AHNAK: variants seen among roughly 807,000 people sequenced by gnomAD.
AHNAK encodes the protein neuroblast differentiation-associated protein AHNAK.
In AHNAK, 23 loss-of-function variants were observed where a neutral mutation model predicts 37.8. The ratio of observed to expected loss-of-function variants is 0.61; its 90% confidence interval spans 0.44 to 0.86. The LOEUF is 0.86. AHNAK is among the 40% of genes least tolerant of loss of function. The pLI is 0.00. For synonymous variants in AHNAK, 2,481 were observed against 2,636.3 expected (o/e 0.94, Z 1.80); for missense variants, 7,411 against 7,319.4 (o/e 1.01, Z -0.46).
chr11:62,480,633 C>T (rs1353497680), intron 5 of AHNAK, among the ~76,000 whole-genome samples: 4 of 150,846 alleles, frequency 2.7e-5, no homozygotes, highest in African/African-American at 9.8e-5. Flanking sequence ...TGCACTCCAG[C>T]CTGGGTGACA....
At chr11:62,439,575 C>A (rs531499281) in intron 5 of AHNAK, among the ~76,000 whole-genome samples, 1 of 151,972 alleles carries the variant, frequency 6.6e-6, no homozygotes, top group African/African-American at 2.4e-5. Context: ...CCTAAATGTT[C>A]CTTTTCATTA....
intron 5 of AHNAK, among the ~76,000 whole-genome samples, chr11:62,459,089 C>T (rs534058339): frequency 2.0e-5 from 3 of 152,230 alleles, no homozygotes; most frequent in African/African-American, 7.2e-5. Flanking sequence ...CACCCCAGCA[C>T]CTCTCCAAAC....
intron 5 of AHNAK, among the ~76,000 whole-genome samples, chr11:62,459,850 C>T (rs1035271515): frequency 6.6e-6 from 1 of 152,118 alleles, no homozygotes; most frequent in African/African-American, 2.4e-5. Flanking sequence ...GTACCACCAA[C>T]AACTCTTGGC....
rs1016562027 is a variant in AHNAK, at chr11:62,518,605, A to G, written c.15812T>C (p.Val5271Ala). The G allele has an allele frequency of 6.2e-7, 1 of 1,614,076 alleles. No individual in the cohort carries two copies. Among genetic ancestry groups the G allele is most frequent in the Non-Finnish European group, 8.5e-7 (1 of 1,180,044 alleles). Residue 5271 changes from valine to alanine, a missense_variant, in exon 5 of 5, where the codon GTT becomes GCT. Transcript: ENST00000378024. The part of the protein sequence containing the change: ...SLEGDLRGPD[V>A]KLEGPDVSLK... Reference sequence around the variant, plus strand: ...AGAAACATCGGGCCCTTCGAGCTTAACATCTGGTCCTCTCAAGTCTCCTTC... The same window carrying G: ...AGAAACATCGGGCCCTTCGAGCTTAGCATCTGGTCCTCTCAAGTCTCCTTC...
Position 62,516,316 on chromosome 11 carries a change from C to G in AHNAK, c.*428G>C. 1 of 1,289,548 alleles carries G rather than the reference C, an allele frequency of 7.8e-7. No individual in the cohort carries two copies. The highest frequency in any genetic ancestry group is 1.0e-6 in the Non-Finnish European group (1 of 988,960). The allele number at this position is 1,289,548 out of a possible 1,614,324, so 79.9% of individuals were successfully genotyped here. A position where few individuals can be genotyped will look rare whatever the true frequency, so the allele number is the denominator to read the frequency against. Reference sequence around the variant, plus strand: ...GGAAAGAGGAAGACCTGACCTCCGTCTGCAACCCATCACCCCACCCACCCT... The same window carrying G: ...GGAAAGAGGAAGACCTGACCTCCGTGTGCAACCCATCACCCCACCCACCCT... On this transcript the variant is annotated 3_prime_UTR_variant, in exon 5 of 5. Transcript: ENST00000378024.
intron 1 of AHNAK, among the ~76,000 whole-genome samples, chr11:62,541,729 C>T (rs1169776215): frequency 6.6e-6 from 1 of 152,184 alleles, no homozygotes; most frequent in Non-Finnish European, 1.5e-5. Flanking sequence ...GAATTAATAT[C>T]CTTATTTCAG....
In AHNAK at chr11:62,488,071, C is replaced by G. The variant is rs138414605; in HGVS notation, c.442+3661G>C. On this transcript the variant is annotated intron_variant, in intron 5 of 5. Transcript: ENST00000257247. ...AAGCCACGGAAGTTCCTCTAAGCTC[C>G]ACAGACTTTCTCTGAATCCCTGTGA... Among the ~76,000 whole-genome samples the G allele has an allele frequency of 3.5e-3, 527 of 152,318 alleles. 1 individual carries two copies. The highest frequency in any genetic ancestry group is 0.012 in the African/African-American group (483 of 41,562).
chr11:62,522,208 A>G lies in AHNAK; in HGVS notation c.12209T>C (p.Met4070Thr), dbSNP rs1940276962. 2.5e-6 allele frequency: 4 copies of G among 1,612,996 alleles called. No individual in the cohort carries two copies. The African/African-American group carries it at 4.0e-5, about 16-fold the overall frequency. ...TGGGCCCTCTCCTTTAAATCCTGGC[A>G]TGCTGAATTTGGGCATTTTCACCTT... ...MPKVKMPKFS[M>T]PGFKGEGPEV... Residue 4070 changes from methionine (M) to threonine (T), a missense_variant, in exon 5 of 5, where the codon ATG becomes ACG. Transcript: ENST00000378024.
In AHNAK at chr11:62,527,138, T is replaced by C. The variant is rs759639712; in HGVS notation, c.7279A>G (p.Ile2427Val). Residue 2427 changes from isoleucine (I) to valine (V), a missense_variant, in exon 5 of 5, where the codon ATT becomes GTT. By Grantham distance (29) the Ile-to-Val change is conservative. Coordinates refer to ENST00000378024, the MANE Select transcript of AHNAK (RefSeq NM_001620.3). Reference protein sequence around the residue: ...GPHVDVSGPDIDIEGPEGKLK... With the variant: ...GPHVDVSGPDVDIEGPEGKLK... ...TTGCCCTCTGGTCCCTCAATGTCAA[T>C]GTCTGGCCCACTGACATCCACATGT... 3.1e-6 allele frequency: 5 copies of C among 1,613,664 alleles called. No homozygotes were observed. The East Asian group carries it at 1.1e-4, about 36-fold the overall frequency.
In AHNAK at chr11:62,529,129, T is replaced by C. The variant is rs74853209; in HGVS notation, c.5288A>G (p.Lys1763Arg). The C allele has an allele frequency of 0.031, 49,981 of 1,614,104 alleles. 1,081 individuals are homozygous for C. The highest frequency in any genetic ancestry group is 0.1 in the African/African-American group (7,845 of 74,996). Reference protein sequence around the residue: ...PDLDIEGPEGKLKGSKFKMPK... With the variant: ...PDLDIEGPEGRLKGSKFKMPK... ...CATCTTAAATTTGGAGCCTTTCAAC[T>C]TTCCTTCTGGTCCCTCAATATCCAA... The change falls in exon 5 of 5, where the codon AAG (lysine) becomes AGG (arginine). Residue 1763 changes from lysine (K) to arginine (R), a missense_variant. By Grantham distance (26) the Lys-to-Arg change is conservative. Coordinates refer to ENST00000378024, the MANE Select transcript of AHNAK (RefSeq NM_001620.3).
Position 62,527,370 on chromosome 11 carries a change from T to C in AHNAK, c.7047A>G (p.Lys2349=). The part of the protein sequence containing the change: ...GELKGPELDV[K]GPKLDADMPE... ...GCATGTCAGCATCTAATTTGGGACC[T>C]TTGACATCCAATTCTGGACCTTTTA... Residue 2349 remains lysine (K), a synonymous_variant, in exon 5 of 5, where the codon AAA becomes AAG. Transcript: ENST00000378024. The C allele has an allele frequency of 6.2e-7, 1 of 1,614,166 alleles. No homozygotes were observed. The highest frequency in any genetic ancestry group is 8.5e-7 in the Non-Finnish European group (1 of 1,180,012).
chr11:62,476,572 T>C (rs550801051), intron 5 of AHNAK, among the ~76,000 whole-genome samples: 43 of 152,124 alleles, frequency 2.8e-4, no homozygotes, highest in African/African-American at 9.6e-4. Context: ...TTGAAGCAAA[T>C]TGGAAAGGTG....
Position 62,528,048 on chromosome 11 carries a change from G to A in AHNAK, c.6369C>T (p.Asp2123=). 6.2e-7 allele frequency: 1 copy of A among 1,613,610 alleles called. No individual in the cohort carries two copies. ...KAPKISMPDV[D]LHLKGPKVKG... is the part of the protein sequence containing the mutation. Reference sequence around the variant, plus strand: ...TGACTTTGGGGCCTTTCAAGTGTAAGTCCACATCAGGCATGGAGATCTTGG... The same window carrying A: ...TGACTTTGGGGCCTTTCAAGTGTAAATCCACATCAGGCATGGAGATCTTGG... The change falls in exon 5 of 5, where the codon GAC becomes GAT. Residue 2123 remains aspartate (D), a synonymous_variant. Transcript: ENST00000378024.
chr11:62,522,547 G>C lies in AHNAK; in HGVS notation c.11870C>G (p.Pro3957Arg), dbSNP rs1489928692. The C allele has an allele frequency of 6.2e-7, 1 of 1,613,216 alleles. No homozygotes were observed. Among genetic ancestry groups the C allele is most frequent in the Admixed American group, 1.7e-5 (1 of 59,848 alleles). Residue 3957 changes from proline to arginine, a missense_variant, in exon 5 of 5, where the codon CCC (proline) becomes CGC (arginine). Pro to Arg is a moderately radical substitution (Grantham distance 103, BLOSUM62 -2). Transcript: ENST00000378024. ...GEGPEVDVNL[P>R]KADLDVSGPK... ...TCCTGAGACGTCAAGGTCAGCCTTG[G>C]GCAGGTTCACATCCACTTCTGGACC...
At chr11:62,537,899 G>A (rs1156651681) in intron 1 of AHNAK, among the ~76,000 whole-genome samples, 1 of 151,990 alleles carries the variant, frequency 6.6e-6, no homozygotes, top group African/African-American at 2.4e-5. Context: ...AGCCAGGCTT[G>A]TCTTGAACTC....
chr11:62,528,713 C>A lies in AHNAK; in HGVS notation c.5704G>T (p.Asp1902Tyr), dbSNP rs772254421. 6.2e-7 allele frequency: 1 copy of A among 1,611,842 alleles called. No homozygotes were observed. The highest frequency in any genetic ancestry group is 1.1e-5 in the South Asian group (1 of 90,972). Residue 1902 changes from aspartate to tyrosine, a missense_variant, in exon 5 of 5, where the codon GAT (aspartate) becomes TAT (tyrosine). Asp to Tyr is a radical substitution (Grantham distance 160). Transcript: ENST00000378024. ...EVPDVELECP[D>Y]AKLKGPKFKM... The stretch of plus-strand genomic sequence containing the variant: ...AATTTAGGGCCTTTCAACTTTGCAT[C>A]AGGACACTCCAGCTCAACATCAGGC...
intron 5 of AHNAK, among the ~76,000 whole-genome samples, chr11:62,478,464 G>A (rs1939194538): frequency 6.6e-6 from 1 of 151,934 alleles, no homozygotes; most frequent in African/African-American, 2.4e-5. Flanking sequence ...GGGTGCCGGT[G>A]GCTCACTCCT....
rs576317711 is a variant in AHNAK, at chr11:62,528,282, G to T, written c.6135C>A (p.His2045Gln). Residue 2045 changes from histidine to glutamine, a missense_variant, in exon 5 of 5, where the codon CAC (histidine) becomes CAA (glutamine). Coordinates refer to ENST00000378024, the MANE Select transcript of AHNAK (RefSeq NM_001620.3). ...PDVDVHGPDW[H>Q]LKMPKMKMPK... ...GCATTTTCATCTTGGGCATCTTCAG[G>T]TGCCAGTCTGGGCCATGAACATCCA... The T allele has an allele frequency of 8.7e-6, 14 of 1,614,046 alleles. No homozygotes were observed. The highest frequency in any genetic ancestry group is 3.3e-4 in the Middle Eastern group (2 of 6,062).
intron 4 of AHNAK, among the ~76,000 whole-genome samples, chr11:62,492,690 G>A (rs1939524069): frequency 6.6e-6 from 1 of 151,878 alleles, no homozygotes; most frequent in Admixed American, 6.6e-5. Context: ...GCAATATAGT[G>A]AGACCCCCAC....
Sources: gnomAD v4.1 joint callset for allele counts (sites outside exome capture counted in the v4.1 genomes callset) on GRCh38, gnomAD v4.1.1 for gene constraint, MANE v1.5 for transcripts, NCBI Gene and HGNC (gene_info 2026-07-23, HGNC 2026-07-21) for gene names.